Variants in CCND3 observed in about 807,000 individuals in gnomAD.
The protein encoded by CCND3 is G1/S-specific cyclin-D3.
In CCND3, 9 loss-of-function variants were observed where a neutral mutation model predicts 28.7. The ratio of observed to expected loss-of-function variants is 0.31; its 90% confidence interval spans 0.19 to 0.55. The LOEUF (loss-of-function observed/expected upper bound fraction) is 0.55, where lower values mean the gene tolerates loss of function less well. CCND3 is among the 20% of genes least tolerant of loss of function. CCND3 has a pLI of 0.93. For synonymous variants in CCND3, 164 were observed against 163.9 expected, an observed-to-expected ratio of 1.00 and a Z score of 0.00; for missense variants, 315 against 385.8, an observed-to-expected ratio of 0.82 and a Z score of 1.54.
At chr6:42,006,458 C>T (rs538041081) in intron 1 of CCND3, among the ~76,000 whole-genome samples, 22 of 152,102 alleles carry the variant, frequency 1.4e-4, no homozygotes, top group African/African-American at 5.1e-4. Flanking sequence ...AGGATGCCTG[C>T]TGTCCTTGCT....
At chr6:42,045,151 C>G (rs1398243508) in intron 1 of CCND3, among the ~76,000 whole-genome samples, 1 of 152,014 alleles carries the variant, frequency 6.6e-6, no homozygotes, top group Non-Finnish European at 1.5e-5. Context: ...CCTTCCAATT[C>G]TATCCCTCTC....
chr6:41,971,479 CAG>C (rs1342279998), intron 1 of CCND3, among the ~76,000 whole-genome samples: 1 of 151,918 alleles, frequency 6.6e-6, no homozygotes, highest in African/African-American at 2.4e-5. Context: ...GATAAGGAAA[CAG>C]AGGCTGAGAG....
intron 1 of CCND3, among the ~76,000 whole-genome samples, chr6:42,028,696 C>T (rs1484978388): frequency 1.3e-5 from 2 of 152,168 alleles, no homozygotes; most frequent in East Asian, 1.9e-4. Context: ...CACTTAGGAG[C>T]GGGATGACCT....
chr6:41,977,749 C>G (rs1211061132), intron 1 of CCND3, among the ~76,000 whole-genome samples: 1 of 152,148 alleles, frequency 6.6e-6, no homozygotes, highest in Non-Finnish European at 1.5e-5. Flanking sequence ...AACCACAGTC[C>G]TTTACCAGCC....
chr6:42,002,073 C>G (rs1243792987), intron 1 of CCND3, among the ~76,000 whole-genome samples: 1 of 150,814 alleles, frequency 6.6e-6, no homozygotes, highest in African/African-American at 2.4e-5. Flanking sequence ...TGAGAAAGCG[C>G]CATTGTACTC....
intron 1 of CCND3, among the ~76,000 whole-genome samples, chr6:41,964,832 G>A (rs1761840069): frequency 1.4e-5 from 2 of 147,716 alleles, no homozygotes; most frequent in Non-Finnish European, 3.0e-5. Flanking sequence ...AGAGGTTCTT[G>A]CAAGAACCTA....
intron 1 of CCND3, among the ~76,000 whole-genome samples, chr6:42,024,699 T>C (rs1470999886): frequency 6.6e-6 from 1 of 152,024 alleles, no homozygotes; most frequent in Non-Finnish European, 1.5e-5. Flanking sequence ...GACAGGTGAA[T>C]CACCTGAGGG....
At chr6:42,026,615 C>G (rs888909639) in intron 1 of CCND3, among the ~76,000 whole-genome samples, 1 of 152,166 alleles carries the variant, frequency 6.6e-6, no homozygotes, top group Admixed American at 6.5e-5. Flanking sequence ...GCAAAGATTG[C>G]CAACTGTCCC....
chr6:41,969,780 G>GGGTATACTTGAAAGCATATGAACTTT (rs1233647317), intron 1 of CCND3, among the ~76,000 whole-genome samples: 1 of 152,048 alleles, frequency 6.6e-6, no homozygotes, highest in Non-Finnish European at 1.5e-5. Context: ...AATTTACCCT[G>GGGTATACTTGAAAGCATATGAACTTT]GGTATACTTG....
chr6:41,968,374 G>T (rs974872520), intron 1 of CCND3, among the ~76,000 whole-genome samples: 3 of 152,114 alleles, frequency 2.0e-5, no homozygotes, highest in South Asian at 2.1e-4. Context: ...AGGAATACTG[G>T]TTTTTTTAAT....
rs57023124 is a variant in CCND3, at chr6:41,965,832, G to A, written c.-45-25247C>T. 9.8e-3 allele frequency among the ~76,000 whole-genome samples: 1,486 copies of A among 152,220 alleles called. 29 individuals are homozygous for A. Among genetic ancestry groups the A allele is most frequent in the African/African-American group, 0.034 (1,422 of 41,516 alleles). On this transcript the variant is annotated intron_variant, in intron 1 of 4. Transcript: ENST00000372988. Reference sequence around the variant, plus strand: ...GTTAAGGTCGAACTTTCACTAGCTCGGAGCCTTTGTGTCTCTTTAAATCCG... The same window carrying A: ...GTTAAGGTCGAACTTTCACTAGCTCAGAGCCTTTGTGTCTCTTTAAATCCG...
In CCND3 at chr6:41,937,682, A is replaced by G. The variant is rs1026172255; in HGVS notation, c.415-288T>C. On this transcript the variant is annotated intron_variant, in intron 2 of 4. Transcript: ENST00000372991. ...GTTATGTTTAAGGGGCCAATAATCC[A>G]GGCCTTCTCCTGACTTCATTCAGGG... The G allele has an allele frequency of 9.2e-6, 4 of 434,586 alleles. No individual in the cohort carries two copies. In the Admixed American group the frequency reaches 1.5e-4, roughly 16 times the overall value. The allele number at this position is 434,586 out of a possible 1,614,324, so 26.9% of individuals were successfully genotyped here. A position where few individuals can be genotyped will look rare whatever the true frequency, so the allele number is the denominator to read the frequency against.
At chr6:42,013,823 C>T (rs1323795560) in intron 1 of CCND3, among the ~76,000 whole-genome samples, 1 of 152,190 alleles carries the variant, frequency 6.6e-6, no homozygotes, top group Non-Finnish European at 1.5e-5. Context: ...CCTGTAATCC[C>T]AGCACTTTGG....
At chr6:41,953,197 G>A (rs969531798) in intron 1 of CCND3, among the ~76,000 whole-genome samples, 29 of 151,664 alleles carry the variant, frequency 1.9e-4, no homozygotes, top group Middle Eastern at 3.4e-3. Flanking sequence ...CCCAGGAGGC[G>A]GAGGTTGCAG....
chr6:41,979,958 A>G (rs1047271971), intron 1 of CCND3, among the ~76,000 whole-genome samples: 1 of 144,892 alleles, frequency 6.9e-6, no homozygotes, highest in African/African-American at 2.5e-5. Context: ...TTTACTTGGT[A>G]TATTTCTACA....
intron 1 of CCND3, among the ~76,000 whole-genome samples, chr6:41,996,123 A>AT (rs1554164470): frequency 2.2e-4 from 21 of 97,004 alleles, no homozygotes; most frequent in African/African-American, 7.3e-4. Flanking sequence ...ATATATATAT[A>AT]ATATATATAT....
At chr6:42,025,000 G>A (rs763328066) in intron 1 of CCND3, among the ~76,000 whole-genome samples, 2 of 152,234 alleles carry the variant, frequency 1.3e-5, no homozygotes, top group Admixed American at 6.5e-5. Flanking sequence ...GGAGGTTGCA[G>A]TGAGACGAGA....
rs1374995584 is a variant in CCND3, at chr6:41,969,516, A to AG, written c.-45-28932_-45-28931insC. Among the ~76,000 whole-genome samples the AG allele has an allele frequency of 4.1e-5, 6 of 146,042 alleles. No homozygotes were observed. In the Admixed American group the frequency reaches 4.7e-4, roughly 11 times the overall value. ...GGGTGACAGAGTGAGACTCGGACTC[A>AG]AAAAAAAACAAGAGATCAAGACCAT... On this transcript the variant is annotated intron_variant, in intron 1 of 4. Coordinates refer to the CCND3 transcript ENST00000372988.
rs1776036057 is a variant in CCND3 at position 41,941,745 on chromosome 6, G to A, written c.-96C>T. On this transcript the variant is annotated 5_prime_UTR_variant, in exon 1 of 5. Coordinates refer to ENST00000372991, the MANE Select transcript of CCND3 (RefSeq NM_001760.5). The surrounding 1 kb of genome is among the most constrained non-coding windows in gnomAD (Gnocchi z 6.1). ...CGCGGGGCGCGGGTCTGGCGCTGGC[G>A]CTGGCACTGCGCGGCGGATCCCCAG... 1.0e-5 allele frequency: 9 copies of A among 867,592 alleles called. No homozygotes were observed. The highest frequency in any genetic ancestry group is 8.8e-5 in the African/African-American group (5 of 56,584). 53.7% of individuals were successfully genotyped at this position (867,592 alleles called of 1,614,324 possible). A position where few individuals can be genotyped will look rare whatever the true frequency, so the allele number is the denominator to read the frequency against.
Sources: allele counts gnomAD v4.1 joint callset (sites outside exome capture counted in the v4.1 genomes callset), GRCh38; gene constraint gnomAD v4.1.1; non-coding constraint Gnocchi (gnomAD v3.1); transcripts MANE v1.5; gene names NCBI Gene and HGNC (gene_info 2026-07-23, HGNC 2026-07-21).